Variants in OSBPL3 observed in about 807,000 individuals in gnomAD.
OSBPL3 encodes oxysterol binding protein like 3, also known as oxysterol-binding protein-related protein 3.
OSBPL3 carries 65 observed loss-of-function variants against 120.1 expected under a neutral mutation model. The observed-to-expected ratio is 0.54, with a 90% confidence interval of 0.44 to 0.67. The LOEUF (loss-of-function observed/expected upper bound fraction) is 0.67. Among genes scored for constraint, OSBPL3 ranks in the 30% least tolerant of loss-of-function variants. OSBPL3 has a pLI of 0.00. For synonymous variants in OSBPL3, 416 were observed against 402.6 expected, an observed-to-expected ratio of 1.03 and a Z score of -0.40; for missense variants, 1,004 against 1,082.1, an observed-to-expected ratio of 0.93 and a Z score of 1.01.
chr7:24,857,733 A>G (rs1314953900), intron 10 of OSBPL3, among the ~76,000 whole-genome samples: 2 of 152,152 alleles, frequency 1.3e-5, no homozygotes, highest in African/African-American at 4.8e-5. Flanking sequence ...AGCTGTTGGG[A>G]ATAGGGGGGA....
Position 24,855,819 on chromosome 7 carries a change from G to A in OSBPL3, c.1028-3185C>T, listed in dbSNP as rs1180510816. On this transcript the variant is annotated intron_variant, in intron 10 of 22. Coordinates refer to ENST00000313367, the MANE Select transcript of OSBPL3 (RefSeq NM_015550.4). This position sits in a 1 kb window ranked among gnomAD's most constrained non-coding sequence, Gnocchi z 4.3. ...GCTTTAAAAAATAGAAGATTCAAAT[G>A]AGTGCATCACATCTATGGTTACCTG... 2.6e-5 allele frequency among the ~76,000 whole-genome samples: 4 copies of A among 152,174 alleles called. No homozygotes were observed. Among genetic ancestry groups the A allele is most frequent in the Non-Finnish European group, 4.4e-5 (3 of 68,040 alleles).
rs555004099 is a variant in OSBPL3 at position 24,957,678 on chromosome 7, AAC to A, written c.-150+22206_-150+22207del. The stretch of plus-strand genomic sequence containing the variant: ...TGAGTCTCAACTTTCTCATCTGTAA[AAC>A]ACAAATAAAAACTGCTTCCTCACTT... On this transcript the variant is annotated intron_variant, in intron 1 of 22. Transcript: ENST00000313367. Among the ~76,000 whole-genome samples the A allele has an allele frequency of 6.7e-4, 102 of 152,262 alleles. 1 individual carries two copies. Among genetic ancestry groups the A allele is most frequent in the African/African-American group, 2.1e-3 (89 of 41,564 alleles).
rs1377401041 is a variant in OSBPL3 at position 24,834,291 on chromosome 7, G to A, written c.1746+195C>T. 4.9e-6 allele frequency: 7 copies of A among 1,416,724 alleles called. No individual in the cohort carries two copies. The African/African-American group carries it at 7.2e-5, about 15-fold the overall frequency. 87.8% of individuals were successfully genotyped at this position (1,416,724 alleles called of 1,614,324 possible). ...TGCCACGGAGAAGCACCCCAACCCC[G>A]TCTCCAAATCCTCACAAGGTGACTG... On this transcript the variant is annotated intron_variant, in intron 15 of 22. Transcript: ENST00000313367. The surrounding 1 kb of genome is among the most constrained non-coding windows in gnomAD (Gnocchi z 5.2).
rs2128141199 is a variant in OSBPL3 at position 24,820,827 on chromosome 7, A to T, written c.1885-589T>A. 6.6e-6 allele frequency among the ~76,000 whole-genome samples: 1 copy of T among 152,078 alleles called. No individual in the cohort carries two copies. Among genetic ancestry groups the T allele is most frequent in the African/African-American group, 2.4e-5 (1 of 41,466 alleles). Reference sequence around the variant, plus strand: ...AAAGAGTGTTTCTATTAAAAAAAAAAAAGGTAAACACAATTGTTGAGGAAA... The same window carrying T: ...AAAGAGTGTTTCTATTAAAAAAAAATAAGGTAAACACAATTGTTGAGGAAA... On this transcript the variant is annotated intron_variant, in intron 16 of 22. Coordinates refer to ENST00000313367, the MANE Select transcript of OSBPL3 (RefSeq NM_015550.4). The surrounding 1 kb of genome is among the most constrained non-coding windows in gnomAD (Gnocchi z 4.6).
At chr7:24,924,160 G>A (rs1004604711) in intron 1 of OSBPL3, among the ~76,000 whole-genome samples, 3 of 152,166 alleles carry the variant, frequency 2.0e-5, no homozygotes, top group African/African-American at 7.2e-5. Context: ...TTTACTTCAT[G>A]TGGTGAATAA....
intron 16 of OSBPL3, among the ~76,000 whole-genome samples, chr7:24,828,178 C>T (rs1333981794): frequency 6.6e-6 from 1 of 152,106 alleles, no homozygotes; most frequent in African/African-American, 2.4e-5. Flanking sequence ...GCATGTGACA[C>T]CACACCTGGC....
At chr7:24,809,143 CT>C (rs1269102288) in intron 20 of OSBPL3, among the ~76,000 whole-genome samples, 2 of 152,148 alleles carry the variant, frequency 1.3e-5, no homozygotes, top group Non-Finnish European at 2.9e-5. Context: ...AAATGGTTTT[CT>C]GTTTGGTTTT....
chr7:24,835,850 A>C lies in OSBPL3; in HGVS notation c.1496-1114T>G, dbSNP rs991312785. The stretch of plus-strand genomic sequence containing the variant: ...TGCATGTTCTCACTTGTAAAGGGGT[A>C]CTAAACGTTAGTTCACATGAACATA... On this transcript the variant is annotated intron_variant, in intron 14 of 22. Coordinates refer to ENST00000313367, the MANE Select transcript of OSBPL3 (RefSeq NM_015550.4). The surrounding 1 kb of genome is among the most constrained non-coding windows in gnomAD (Gnocchi z 4.8). 4.6e-5 allele frequency among the ~76,000 whole-genome samples: 7 copies of C among 152,178 alleles called. No homozygotes were observed. Among genetic ancestry groups the C allele is most frequent in the Middle Eastern group, 3.2e-3 (1 of 316 alleles).
In OSBPL3 at chr7:24,840,789, G is replaced by A. The variant is rs1249261737; in HGVS notation, c.1402-6C>T. On this transcript the variant is annotated splice_region_variant and splice_polypyrimidine_tract_variant and intron_variant, in intron 13 of 22. Transcript: ENST00000313367. ...TATGAGTCATCATCAGAAATCTATG[G>A]GAAAGAAGAAATAACATTCATTAGA... The A allele has an allele frequency of 7.9e-7, 1 of 1,273,456 alleles. No individual in the cohort carries two copies. The highest frequency in any genetic ancestry group is 1.1e-6 in the Non-Finnish European group (1 of 903,510). The allele number at this position is 1,273,456 out of a possible 1,614,324, so 78.9% of individuals were successfully genotyped here.
chr7:24,921,560 T>C (rs7797596), intron 1 of OSBPL3, among the ~76,000 whole-genome samples: 4,078 of 152,294 alleles, frequency 0.027, 125 homozygotes, highest in East Asian at 0.063. Flanking sequence ...CTCCAGAATG[T>C]AGCTCAGAAG....
rs183338116 is a variant in OSBPL3 at position 24,966,362 on chromosome 7, C to T, written c.-150+13524G>A. Among the ~76,000 whole-genome samples the T allele has an allele frequency of 6.6e-6, 1 of 152,298 alleles. No homozygotes were observed. The highest frequency in any genetic ancestry group is 1.9e-4 in the East Asian group (1 of 5,186). ...ATCTAATATAAAGATCTATCTACAC[C>T]TAGCTACACACACCCAGGAAAATAA... On this transcript the variant is annotated intron_variant, in intron 1 of 22. Coordinates refer to ENST00000313367, the MANE Select transcript of OSBPL3 (RefSeq NM_015550.4). This position sits in a 1 kb window ranked among gnomAD's most constrained non-coding sequence, Gnocchi z 4.8.
In OSBPL3 at chr7:24,821,890, T is replaced by C. The variant is rs998026783; in HGVS notation, c.1885-1652A>G. On this transcript the variant is annotated intron_variant, in intron 16 of 22. Transcript: ENST00000313367. The surrounding 1 kb of genome is among the most constrained non-coding windows in gnomAD (Gnocchi z 5.5). ...CTTTGATGTTGTCTTTTTTCTTTTT[T>C]TGAGACAGGGTCTCCCTCTGCCACC... Among the ~76,000 whole-genome samples the C allele has an allele frequency of 7.9e-5, 12 of 152,354 alleles. No homozygotes were observed. Among genetic ancestry groups the C allele is most frequent in the African/African-American group, 2.9e-4 (12 of 41,592 alleles).
intron 1 of OSBPL3, among the ~76,000 whole-genome samples, chr7:24,949,470 A>C (rs1194361929): frequency 1.3e-5 from 2 of 152,186 alleles, no homozygotes; most frequent in African/African-American, 4.8e-5. Context: ...ATTCAATGAA[A>C]TAGGTTAGCT....
intron 9 of OSBPL3, 106 bp from the exon 10 acceptor site, chr7:24,861,875 T>A: frequency 4.3e-6 from 3 of 698,918 alleles, no homozygotes; most frequent in South Asian, 2.8e-5. Flanking sequence ...AAACATTTTA[T>A]AGGTAGGTCT....
At position 24,815,321 on chromosome 7, in the gene OSBPL3, A is replaced by C. The variant is rs951455516; in HGVS notation, c.2028-118T>G. 1.3e-6 allele frequency: 1 copy of C among 776,096 alleles called. No homozygotes were observed. Among genetic ancestry groups the C allele is most frequent in the African/African-American group, 1.7e-5 (1 of 58,214 alleles). 48.1% of individuals were successfully genotyped at this position (776,096 alleles called of 1,614,324 possible). ...ATGCATTATTCATCTCTTTATTCAC[A>C]GAAGCAACACTGGCTAAGTGTCTAT... On this transcript the variant is annotated intron_variant, in intron 18 of 22. Transcript: ENST00000313367. This position sits in a 1 kb window ranked among gnomAD's most constrained non-coding sequence, Gnocchi z 5.1.
Position 24,896,139 on chromosome 7 carries a change from G to C in OSBPL3, c.-149-3518C>G, listed in dbSNP as rs998710668. 5.9e-5 allele frequency among the ~76,000 whole-genome samples: 9 copies of C among 152,218 alleles called. No individual in the cohort carries two copies. The highest frequency in any genetic ancestry group is 2.2e-4 in the African/African-American group (9 of 41,448). The stretch of plus-strand genomic sequence containing the variant: ...CTTTGGTGCATTCTGCCTAATGTCA[G>C]TGTTTGATGTGTGACAGAATTCGGT... On this transcript the variant is annotated intron_variant, in intron 1 of 22. Coordinates refer to ENST00000313367, the MANE Select transcript of OSBPL3 (RefSeq NM_015550.4). This position sits in a 1 kb window ranked among gnomAD's most constrained non-coding sequence, Gnocchi z 4.4.
chr7:24,815,198 C>A lies in OSBPL3; in HGVS notation c.2033G>T (p.Gly678Val). The A allele has an allele frequency of 1.9e-6, 3 of 1,610,954 alleles. No individual in the cohort carries two copies. The highest frequency in any genetic ancestry group is 2.5e-6 in the Non-Finnish European group (3 of 1,179,204). The part of the protein sequence containing the change: ...GTTHVTLPVF[G>V]DHFEWNKVTS... ...CACTTTGTTCCACTCAAAATGATCC[C>A]CAAAACTAAAAAGAAGGAAAAAGTA... Residue 678 changes from glycine (G) to valine (V), a missense_variant, in exon 19 of 23, where the codon GGG (glycine) becomes GTG (valine). Coordinates refer to ENST00000313367, the MANE Select transcript of OSBPL3 (RefSeq NM_015550.4). This position sits in a 1 kb window ranked among gnomAD's most constrained non-coding sequence, Gnocchi z 5.1.
chr7:24,861,639 T>C lies in OSBPL3; in HGVS notation c.1001A>G (p.Glu334Gly). The change falls in exon 10 of 23, where the codon GAA becomes GGA. Residue 334 changes from glutamate (E) to glycine (G), a missense_variant. Around this residue, in one of 4 missense-constraint regions of OSBPL3, gnomAD observed 272 missense variants for 248.8 expected, o/e 1.09. Coordinates refer to ENST00000313367, the MANE Select transcript of OSBPL3 (RefSeq NM_015550.4). ...ETSSEFSKMQEDLCHIAHKVY... is the reference protein window; with the variant it reads ...ETSSEFSKMQGDLCHIAHKVY... ...TTTATGGGCAATATGACACAGATCT[T>C]CTTGCATTTTAGAAAACTCTGATGA... 23 of 1,604,940 alleles carry C rather than the reference T, an allele frequency of 1.4e-5. No individual in the cohort carries two copies. Among genetic ancestry groups the C allele is most frequent in the Non-Finnish European group, 2.0e-5 (23 of 1,176,804 alleles).
Position 24,918,022 on chromosome 7 carries a change from T to C in OSBPL3, c.-149-25401A>G. ...CTTTCAAATTCAGTGATCCTATGAG[T>C]CCATAAAATGACTAGCACTCTTACC... is the stretch of plus-strand genomic sequence containing the variant. On this transcript the variant is annotated intron_variant, in intron 1 of 22. Coordinates refer to ENST00000313367, the MANE Select transcript of OSBPL3 (RefSeq NM_015550.4). The surrounding 1 kb of genome is among the most constrained non-coding windows in gnomAD (Gnocchi z 4.3). 7.4e-6 allele frequency: 7 copies of C among 948,512 alleles called. No individual in the cohort carries two copies. The highest frequency in any genetic ancestry group is 8.8e-6 in the Non-Finnish European group (7 of 796,296). 58.8% of individuals were successfully genotyped at this position (948,512 alleles called of 1,614,324 possible).
Sources: allele counts gnomAD v4.1 joint callset (sites outside exome capture counted in the v4.1 genomes callset), GRCh38; gene constraint gnomAD v4.1.1; regional missense constraint gnomAD v4.1.1; non-coding constraint Gnocchi (gnomAD v3.1); transcripts MANE v1.5; gene names NCBI Gene and HGNC (gene_info 2026-07-23, HGNC 2026-07-21).